The following SCHIP1 variants were observed in gnomAD, a reference collection of about 807,000 sequenced individuals.
The protein encoded by SCHIP1 is schwannomin-interacting protein 1.
In SCHIP1, 8 loss-of-function variants were observed where a neutral mutation model predicts 29.7. The observed-to-expected ratio is 0.27, with a 90% confidence interval of 0.16 to 0.49. The LOEUF is 0.49. SCHIP1 is among the 20% of genes least tolerant of loss of function. SCHIP1 has a pLI of 0.99. For missense variants in SCHIP1, 193 were observed against 294.6 expected, an observed-to-expected ratio of 0.66 and a Z score of 2.52; for synonymous variants, 76 against 94.9, an observed-to-expected ratio of 0.80 and a Z score of 1.16.
chr3:159,387,991 A>G, the SCHIP1 span, among the ~76,000 whole-genome samples: 1 of 152,230 alleles, frequency 6.6e-6, no homozygotes, highest in African/African-American at 2.4e-5. Flanking sequence ...TTAGAAACAT[A>G]AGAAATTATT....
chr3:159,347,767 C>G, the SCHIP1 span, among the ~76,000 whole-genome samples: 2 of 152,152 alleles, frequency 1.3e-5, no homozygotes, highest in Non-Finnish European at 1.5e-5. Context: ...AAGAAGCTCA[C>G]AATTTCCTTT....
At chr3:159,316,666 T>C in the SCHIP1 span, among the ~76,000 whole-genome samples, 1 of 152,152 alleles carries the variant, frequency 6.6e-6, no homozygotes, top group African/African-American at 2.4e-5. Context: ...AATGAGGTAA[T>C]AATTACACCT....
chr3:159,878,251 G>A (rs1205668334), intron 2 of SCHIP1, among the ~76,000 whole-genome samples: 1 of 152,100 alleles, frequency 6.6e-6, no homozygotes, highest in Non-Finnish European at 1.5e-5. Context: ...GCCAAGGCAG[G>A]TGGATCACAT....
the SCHIP1 span, among the ~76,000 whole-genome samples, chr3:159,455,845 C>T: frequency 6.6e-6 from 1 of 152,166 alleles, no homozygotes; most frequent in Admixed American, 6.5e-5. Context: ...GGGTGTGAGA[C>T]ATCCTGGGCT....
the SCHIP1 span, among the ~76,000 whole-genome samples, chr3:159,632,850 G>T: frequency 6.6e-6 from 1 of 152,190 alleles, no homozygotes; most frequent in Admixed American, 6.5e-5. Context: ...AAGGTGGGGA[G>T]ATGTGGACCC....
chr3:159,532,980 A>G, the SCHIP1 span, among the ~76,000 whole-genome samples: 1 of 152,220 alleles, frequency 6.6e-6, no homozygotes, highest in Admixed American at 6.5e-5. Flanking sequence ...GACAATACAA[A>G]GTGTTACACC....
In SCHIP1 at chr3:159,892,087, T is replaced by C. The variant is rs1311794610; in HGVS notation, c.590-10T>C. 4 of 1,609,140 alleles carry C rather than the reference T, an allele frequency of 2.5e-6. No homozygotes were observed. The East Asian group carries it at 8.9e-5, about 36-fold the overall frequency. On this transcript the variant is annotated splice_polypyrimidine_tract_variant and intron_variant, in intron 5 of 6. Transcript: ENST00000445224. ...TTATCTGTTTTTAAATGTTCTGTTA[T>C]TTGCCACAGGCTTGAATGAAGAGTT...
At chr3:159,278,031 A>C in the SCHIP1 span, among the ~76,000 whole-genome samples, 1 of 152,192 alleles carries the variant, frequency 6.6e-6, no homozygotes, top group African/African-American at 2.4e-5. Context: ...ATGCTATAGA[A>C]GGGGACTCCC....
At chr3:159,289,159 A>G in the SCHIP1 span, among the ~76,000 whole-genome samples, 16 of 152,140 alleles carry the variant, frequency 1.1e-4, no homozygotes, top group Non-Finnish European at 7.4e-5. Context: ...CTTCATCACT[A>G]CCATAGCCTC....
the SCHIP1 span, among the ~76,000 whole-genome samples, chr3:159,531,790 C>T: frequency 1.4e-4 from 21 of 152,274 alleles, no homozygotes; most frequent in Admixed American, 1.2e-3. Context: ...AGTTATTTTA[C>T]AGGTCTTAGA....
chr3:159,778,768 C>T, the SCHIP1 span, among the ~76,000 whole-genome samples: 2 of 152,174 alleles, frequency 1.3e-5, no homozygotes, highest in Non-Finnish European at 2.9e-5. Flanking sequence ...GTTGCCTTGC[C>T]TCTATCCCTC....
chr3:159,613,046 A>T, the SCHIP1 span, among the ~76,000 whole-genome samples: 8 of 152,350 alleles, frequency 5.3e-5, no homozygotes, highest in East Asian at 1.5e-3. Flanking sequence ...CACAGGCAAC[A>T]TGTCATTTTT....
At chr3:159,428,092 C>G in the SCHIP1 span, among the ~76,000 whole-genome samples, 1 of 151,878 alleles carries the variant, frequency 6.6e-6, no homozygotes, top group Non-Finnish European at 1.5e-5. Context: ...CATAAAAACC[C>G]TAGAAGAAAA....
chr3:159,893,406 A>G (rs1204323520), intron 6 of SCHIP1: 5 of 152,162 alleles, frequency 3.3e-5, no homozygotes, highest in Admixed American at 2.6e-4. Context: ...GCACTACACC[A>G]CCAGCAATTA....
chr3:159,866,906 C>T (rs1714691186), intron 2 of SCHIP1, among the ~76,000 whole-genome samples: 1 of 152,048 alleles, frequency 6.6e-6, no homozygotes, highest in African/African-American at 2.4e-5. Context: ...GTGCTATAGG[C>T]CAGAGTTTCT....
chr3:159,745,336 G>C, the SCHIP1 span, among the ~76,000 whole-genome samples: 1 of 152,176 alleles, frequency 6.6e-6, no homozygotes, highest in African/African-American at 2.4e-5. Context: ...AAAGAATCTG[G>C]ATAAGACTCA....
chr3:159,334,143 A>G, the SCHIP1 span, among the ~76,000 whole-genome samples: 1 of 152,186 alleles, frequency 6.6e-6, no homozygotes, highest in African/African-American at 2.4e-5. Flanking sequence ...GTCATTAAAG[A>G]ATCATCTTTA....
chr3:159,853,138 G>C (rs1244638665), intron 1 of SCHIP1: 1 of 393,032 alleles, frequency 2.5e-6, no homozygotes, highest in Admixed American at 4.6e-5. Flanking sequence ...CAAGTGTCAG[G>C]GGCAGAGTGA....
the SCHIP1 span, among the ~76,000 whole-genome samples, chr3:159,597,169 G>A: frequency 1.3e-5 from 2 of 151,946 alleles, no homozygotes; most frequent in Admixed American, 1.3e-4. Context: ...AAATCAAATG[G>A]CATAAGGTTG....
Sources: gnomAD v4.1 joint callset for allele counts (sites outside exome capture counted in the v4.1 genomes callset) on GRCh38, gnomAD v4.1.1 for gene constraint, MANE v1.5 for transcripts, NCBI Gene and HGNC (gene_info 2026-07-23, HGNC 2026-07-21) for gene names.